Variants in ERBB4 observed in about 807,000 individuals in gnomAD.
ERBB4 encodes the protein receptor tyrosine-protein kinase erbB-4.
In ERBB4, 42 loss-of-function variants were observed where a neutral mutation model predicts 158.0. That is an observed-to-expected ratio of 0.27 (90% CI 0.21 to 0.34). ERBB4 has a LOEUF of 0.34. Ranked by LOEUF, ERBB4 falls within the 10% of genes least tolerant of loss-of-function variation. The probability of loss-of-function intolerance (pLI) is 1.00; values close to 1 mark genes in which losing one functional copy is unlikely to be tolerated. For missense variants in ERBB4, 1,333 were observed against 1,624.1 expected (o/e 0.82, Z 3.08); for synonymous variants, 583 against 558.7 (o/e 1.04, Z -0.61).
At chr2:211,575,415 T>A (rs1032412778) in intron 19 of ERBB4, among the ~76,000 whole-genome samples, 2 of 152,188 alleles carry the variant, frequency 1.3e-5, no homozygotes, top group Admixed American at 1.3e-4. Flanking sequence ...TTATTCTCAG[T>A]TGTGAATGGG....
At chr2:211,640,385 G>C (rs1185627990) in intron 16 of ERBB4, among the ~76,000 whole-genome samples, 1 of 152,134 alleles carries the variant, frequency 6.6e-6, no homozygotes, top group African/African-American at 2.4e-5. Context: ...AGTGAATACA[G>C]TTGTGGGAAA....
intron 1 of ERBB4, among the ~76,000 whole-genome samples, chr2:212,358,715 G>T (rs1296543009): frequency 6.6e-6 from 1 of 151,508 alleles, no homozygotes; most frequent in Admixed American, 6.6e-5. Flanking sequence ...CATCACAAAG[G>T]CTAAATGTTG....
chr2:212,216,671 C>T (rs1171198334), intron 1 of ERBB4, among the ~76,000 whole-genome samples: 1 of 151,304 alleles, frequency 6.6e-6, no homozygotes, highest in East Asian at 1.9e-4. Flanking sequence ...GAGTGTCAAA[C>T]TTCTATTGAT....
At chr2:211,613,809 C>T (rs1220362741) in intron 19 of ERBB4, among the ~76,000 whole-genome samples, 3 of 152,032 alleles carry the variant, frequency 2.0e-5, no homozygotes, top group Admixed American at 6.6e-5. Flanking sequence ...AACCCTCATA[C>T]ACTGTTGGTG....
intron 20 of ERBB4, among the ~76,000 whole-genome samples, chr2:211,515,912 A>ATATATATATATATATATATT (rs35696520): frequency 9.6e-4 from 76 of 78,964 alleles, no homozygotes; most frequent in Non-Finnish European, 1.5e-3. Context: ...ATATATATAT[A>ATATATATATATATATATATT]TTTTTTTTTT....
At position 211,608,246 on chromosome 2, in the gene ERBB4, C is replaced by T. The variant is rs145595058; in HGVS notation, c.2301+10931G>A. Among the ~76,000 whole-genome samples the T allele has an allele frequency of 3.3e-3, 498 of 152,162 alleles. 4 individuals are homozygous for T. Among genetic ancestry groups the T allele is most frequent in the African/African-American group, 9.7e-3 (404 of 41,520 alleles). The stretch of plus-strand genomic sequence containing the variant: ...CAAAGCTTGATTTCCATCGATGCAG[C>T]GGGCAGCTGAAGGAAATCAGAAGAA... On this transcript the variant is annotated intron_variant, in intron 19 of 27. Transcript: ENST00000342788.
chr2:211,690,518 A>T (rs2072766330), intron 12 of ERBB4, among the ~76,000 whole-genome samples: 1 of 152,296 alleles, frequency 6.6e-6, no homozygotes, highest in East Asian at 1.9e-4. Context: ...CAGGGAAACA[A>T]TATCTATTGG....
At chr2:211,699,877 T>C (rs6715164) in intron 12 of ERBB4, among the ~76,000 whole-genome samples, 16,775 of 152,154 alleles carry the variant, frequency 0.11, 1,359 homozygotes, top group Non-Finnish European at 0.17. Context: ...ATATAATTTA[T>C]TGAAATATCC....
chr2:211,552,459 A>G (rs1160078898), intron 20 of ERBB4, among the ~76,000 whole-genome samples: 1 of 152,182 alleles, frequency 6.6e-6, no homozygotes, highest in East Asian at 1.9e-4. Flanking sequence ...ATACAACTTA[A>G]TCAGGTAATC....
chr2:212,262,287 G>A (rs1367611688), intron 1 of ERBB4, among the ~76,000 whole-genome samples: 2 of 152,034 alleles, frequency 1.3e-5, no homozygotes, highest in South Asian at 2.1e-4. Context: ...ACATTCATCA[G>A]GTTTATTCTA....
At chr2:212,214,696 A>C (rs6731574) in intron 1 of ERBB4, among the ~76,000 whole-genome samples, 1 of 151,496 alleles carries the variant, frequency 6.6e-6, no homozygotes, top group Non-Finnish European at 1.5e-5. Context: ...CCCTTTGGCA[A>C]TATGAACTAA....
chr2:212,086,458 A>C (rs1330193829), intron 2 of ERBB4, among the ~76,000 whole-genome samples: 2 of 151,962 alleles, frequency 1.3e-5, no homozygotes, highest in African/African-American at 4.8e-5. Context: ...AAAAAAAGAA[A>C]ACCAAATCTT....
chr2:212,442,760 G>A (rs1192741969), intron 1 of ERBB4, among the ~76,000 whole-genome samples: 1 of 152,166 alleles, frequency 6.6e-6, no homozygotes, highest in African/African-American at 2.4e-5. Context: ...ATTATGGTGG[G>A]AAAGGCCAAA....
chr2:211,425,850 T>C (rs2063615585), intron 22 of ERBB4, among the ~76,000 whole-genome samples: 1 of 151,886 alleles, frequency 6.6e-6, no homozygotes, highest in Admixed American at 6.6e-5. Context: ...GCCTGGCTGA[T>C]TTTCGTATTT....
chr2:212,018,030 T>C (rs2076566846), intron 2 of ERBB4, among the ~76,000 whole-genome samples: 2 of 152,128 alleles, frequency 1.3e-5, no homozygotes, highest in Non-Finnish European at 2.9e-5. Context: ...TGCAGAGTCT[T>C]GAATGGAAAA....
At chr2:211,654,167 A>T (rs2105891067) in intron 16 of ERBB4, among the ~76,000 whole-genome samples, 1 of 152,304 alleles carries the variant, frequency 6.6e-6, no homozygotes, top group Admixed American at 6.5e-5. Flanking sequence ...GACCTGAAAA[A>T]GCAGACACTT....
At chr2:211,953,038 A>G (rs2080919783) in intron 2 of ERBB4, among the ~76,000 whole-genome samples, 1 of 152,072 alleles carries the variant, frequency 6.6e-6, no homozygotes, top group Non-Finnish European at 1.5e-5. Flanking sequence ...ATGGCCCTAA[A>G]TATAGACTCT....
intron 3 of ERBB4, among the ~76,000 whole-genome samples, chr2:211,888,334 G>A (rs2078859170): frequency 6.8e-6 from 1 of 147,406 alleles, no homozygotes; most frequent in Non-Finnish European, 1.5e-5. Context: ...TTCAAGCAAT[G>A]ACTTTAAACA....
chr2:211,566,030 A>G (rs1193083056), intron 19 of ERBB4, among the ~76,000 whole-genome samples: 1 of 152,196 alleles, frequency 6.6e-6, no homozygotes, highest in East Asian at 1.9e-4. Flanking sequence ...GCCCACCAGG[A>G]CTGCAACAAG....
Sources: allele counts gnomAD v4.1 joint callset (sites outside exome capture counted in the v4.1 genomes callset), GRCh38; gene constraint gnomAD v4.1.1; transcripts MANE v1.5; gene names NCBI Gene and HGNC (gene_info 2026-07-23, HGNC 2026-07-21).